The following FIP1L1 variants were observed in gnomAD, a reference collection of about 807,000 sequenced individuals.
FIP1L1 encodes the protein pre-mRNA 3'-end-processing factor FIP1.
Under a neutral mutation model 84.6 loss-of-function variants are expected in FIP1L1, and 21 were observed. The ratio of observed to expected loss-of-function variants is 0.25; its 90% CI spans 0.18 to 0.36. The LOEUF (loss-of-function observed/expected upper bound fraction) is 0.36, where lower values mean the gene tolerates loss of function less well. FIP1L1 is among the 10% of genes least tolerant of loss of function. FIP1L1 has a pLI of 1.00. For synonymous variants in FIP1L1, 263 were observed against 242.3 expected, an observed-to-expected ratio of 1.09 and a Z score of -0.80; for missense variants, 526 against 751.1, an observed-to-expected ratio of 0.70 and a Z score of 3.50.
rs750783002 is a variant in FIP1L1 at position 53,389,820 on chromosome 4, C to T, written c.344C>T (p.Thr115Ile). The T allele has an allele frequency of 1.2e-6, 2 of 1,602,044 alleles. No homozygotes were observed. The highest frequency in any genetic ancestry group is 1.4e-5 in the African/African-American group (1 of 73,916). Reference protein sequence around the residue: ...TGAPQYGSYGTAPVNLNIKTG... With the variant: ...TGAPQYGSYGIAPVNLNIKTG... ...TTGTTTGTTTTTAGGAGTTATGGTA[C>T]AGCACCTGTAAATCTTAACATCAAG... Residue 115 changes from threonine (T) to isoleucine (I), a missense_variant, in exon 6 of 18, where the codon ACA becomes ATA. This residue lies in a region of FIP1L1 where 169 missense variants were observed against 206.9 expected (regional missense o/e 0.82). Coordinates refer to ENST00000337488, the MANE Select transcript of FIP1L1 (RefSeq NM_030917.4).
chr4:53,385,513 A>T (rs1740498303), intron 5 of FIP1L1, among the ~76,000 whole-genome samples: 3 of 152,128 alleles, frequency 2.0e-5, no homozygotes, highest in African/African-American at 7.2e-5. Flanking sequence ...CTTCAAAAAA[A>T]CAAGAAACTG....
chr4:53,409,987 G>A (rs967074016), intron 10 of FIP1L1, among the ~76,000 whole-genome samples: 6 of 152,200 alleles, frequency 3.9e-5, no homozygotes, highest in African/African-American at 1.4e-4. Flanking sequence ...CCCATGGTGC[G>A]CTGCACCCAC....
intron 10 of FIP1L1, among the ~76,000 whole-genome samples, chr4:53,410,408 T>C (rs1220146291): frequency 6.6e-6 from 1 of 152,206 alleles, no homozygotes; most frequent in Non-Finnish European, 1.5e-5. Context: ...CATTGTCAAC[T>C]TCCAATGACC....
intron 5 of FIP1L1, among the ~76,000 whole-genome samples, chr4:53,385,423 A>G (rs1326571590): frequency 6.6e-6 from 1 of 152,094 alleles, no homozygotes. Flanking sequence ...AGTTTTATGC[A>G]TTGTAATTAT....
At chr4:53,387,470 A>G (rs953702044) in intron 5 of FIP1L1, among the ~76,000 whole-genome samples, 9 of 152,226 alleles carry the variant, frequency 5.9e-5, no homozygotes, top group Non-Finnish European at 1.2e-4. Flanking sequence ...TGGAGTTCCT[A>G]TAGAAAGTCC....
At chr4:53,458,167 T>A (rs1182148715) in intron 16 of FIP1L1, among the ~76,000 whole-genome samples, 1 of 152,178 alleles carries the variant, frequency 6.6e-6, no homozygotes, top group Non-Finnish European at 1.5e-5. Flanking sequence ...TTTAAAAACT[T>A]ATTTGCTTTC....
At chr4:53,417,753 ACACACACACACTCTCTCTCTCTCTCTCT>A in intron 11 of FIP1L1, among the ~76,000 whole-genome samples, 1 of 35,874 alleles carries the variant, frequency 2.8e-5, no homozygotes, top group East Asian at 7.2e-4. Context: ...ACACACACAC[ACACACACACACTCTCTCTCTCTCTCTCT>A]CTCTCTCTCT....
intron 15 of FIP1L1, among the ~76,000 whole-genome samples, chr4:53,450,512 A>G (rs1775939398): frequency 6.6e-6 from 1 of 152,168 alleles, no homozygotes; most frequent in African/African-American, 2.4e-5. Flanking sequence ...TACATCAACC[A>G]TGCTAAGAAC....
chr4:53,390,942 AT>A (rs767401289), intron 7 of FIP1L1, 66 bp from the exon 8 acceptor site: 46 of 1,280,644 alleles, frequency 3.6e-5, no homozygotes, highest in Non-Finnish European at 4.7e-5. Context: ...ATAGTTTAGT[AT>A]ATTTTTGATG....
intron 13 of FIP1L1, among the ~76,000 whole-genome samples, chr4:53,438,776 G>A (rs777991969): frequency 1.3e-5 from 2 of 152,186 alleles, no homozygotes; most frequent in South Asian, 4.2e-4. Context: ...TCTACATTTT[G>A]TGGAAGTTTA....
In FIP1L1 at chr4:53,378,299, C is replaced by G. The variant is rs116459372; in HGVS notation, c.85+376C>G. Reference sequence around the variant, plus strand: ...TTTGGTGTCTGTTTTTGCCCTGTGGCCTTAGGGTGCCCTTCCTGTCCCTTC... The same window carrying G: ...TTTGGTGTCTGTTTTTGCCCTGTGGGCTTAGGGTGCCCTTCCTGTCCCTTC... On this transcript the variant is annotated intron_variant, in intron 1 of 17. Transcript: ENST00000337488. The G allele has an allele frequency of 5.4e-3, 1,061 of 197,574 alleles. 12 individuals carry two copies. The highest frequency in any genetic ancestry group is 0.023 in the African/African-American group (1,010 of 43,394). 12.2% of individuals were successfully genotyped at this position (197,574 alleles called of 1,614,324 possible).
At position 53,449,929 on chromosome 4, in the gene FIP1L1, G is replaced by A. The variant is rs534753434; in HGVS notation, c.1286-2991G>A. On this transcript the variant is annotated intron_variant, in intron 15 of 17. Coordinates refer to ENST00000337488, the MANE Select transcript of FIP1L1 (RefSeq NM_030917.4). ...TATTGTTTAATCTGTGTTGTCTGTA[G>A]TTGTGATCCCTTTTTGCTTCTGATG... 9.9e-5 allele frequency among the ~76,000 whole-genome samples: 15 copies of A among 152,182 alleles called. No individual in the cohort carries two copies. The South Asian group carries it at 3.1e-3, about 32-fold the overall frequency.
At chr4:53,427,942 T>G (rs1185903576) in intron 12 of FIP1L1, 85 bp from the exon 13 acceptor site, 6 of 1,174,438 alleles carry the variant, frequency 5.1e-6, no homozygotes, top group Non-Finnish European at 7.1e-6. Context: ...TTACTTTGTT[T>G]CTTAGATTAA....
rs749874617 is a variant in FIP1L1 at position 53,379,114 on chromosome 4, C to G, written c.127C>G (p.Leu43Val). 1.9e-6 allele frequency: 3 copies of G among 1,614,070 alleles called. No individual in the cohort carries two copies. The highest frequency in any genetic ancestry group is 4.5e-5 in the East Asian group (2 of 44,860). ...VHVHSDLAKD[L>V]DENEVERPEE... Reference sequence around the variant, plus strand: ...TGTGCACAGTGATTTGGCAAAGGACCTAGGTTAGTGCTTGTGATGATCACT... The same window carrying G: ...TGTGCACAGTGATTTGGCAAAGGACGTAGGTTAGTGCTTGTGATGATCACT... Residue 43 changes from leucine (L) to valine (V), a missense_variant, in exon 2 of 18, where the codon CTA (leucine) becomes GTA (valine). Around this residue, in one of 6 missense-constraint regions of FIP1L1, gnomAD observed 100 missense variants for 107.2 expected, o/e 0.93. Coordinates refer to ENST00000337488, the MANE Select transcript of FIP1L1 (RefSeq NM_030917.4).
chr4:53,405,507 A>G (rs1280084079), intron 10 of FIP1L1, among the ~76,000 whole-genome samples: 8 of 151,338 alleles, frequency 5.3e-5, no homozygotes, highest in Admixed American at 1.3e-4. Flanking sequence ...TTTTGGTTCC[A>G]TATGAACTTT....
At chr4:53,442,922 AAAT>A (rs1427121978) in intron 14 of FIP1L1, among the ~76,000 whole-genome samples, 2 of 152,254 alleles carry the variant, frequency 1.3e-5, no homozygotes, top group Non-Finnish European at 2.9e-5. Flanking sequence ...TAATATTTTG[AAAT>A]AATATCTTGC....
intron 10 of FIP1L1, among the ~76,000 whole-genome samples, chr4:53,404,645 C>G (rs907012556): frequency 2.0e-5 from 3 of 151,696 alleles, no homozygotes; most frequent in African/African-American, 7.3e-5. Flanking sequence ...AAAAGTGTTC[C>G]TATTTCTCCA....
chr4:53,443,439 T>C (rs759912933), intron 14 of FIP1L1, among the ~76,000 whole-genome samples: 2 of 152,142 alleles, frequency 1.3e-5, no homozygotes, highest in Non-Finnish European at 2.9e-5. Flanking sequence ...TATTTCCTCT[T>C]AAGTGGCAAA....
chr4:53,378,148 G>A, intron 1 of FIP1L1: 1 of 425,958 alleles, frequency 2.3e-6, no homozygotes, highest in Non-Finnish European at 4.1e-6. Flanking sequence ...TGGCGGCCGG[G>A]CCGGGCTGGG....
Sources: allele counts gnomAD v4.1 joint callset (sites outside exome capture counted in the v4.1 genomes callset), GRCh38; gene constraint gnomAD v4.1.1; regional missense constraint gnomAD v4.1.1; transcripts MANE v1.5; gene names NCBI Gene and HGNC (gene_info 2026-07-23, HGNC 2026-07-21).